Variants in GALNT13 observed in about 807,000 individuals in gnomAD.
GALNT13 encodes polypeptide N-acetylgalactosaminyltransferase 13.
In GALNT13, 28 loss-of-function variants were observed where a neutral mutation model predicts 64.2. The ratio of observed to expected loss-of-function variants is 0.44; its 90% CI spans 0.32 to 0.60. GALNT13 has a LOEUF of 0.60. Among genes scored for constraint, GALNT13 ranks in the 20% least tolerant of loss-of-function variants. The pLI is 0.05. For synonymous variants in GALNT13, 214 were observed against 224.6 expected, an observed-to-expected ratio of 0.95 and a Z score of 0.42; for missense variants, 577 against 669.8, an observed-to-expected ratio of 0.86 and a Z score of 1.53.
chr2:153,285,649 T>C, the GALNT13 span, among the ~76,000 whole-genome samples: 1 of 152,160 alleles, frequency 6.6e-6, no homozygotes, highest in African/African-American at 2.4e-5. Context: ...ATTAACAGTA[T>C]AGAATATGTA....
the GALNT13 span, among the ~76,000 whole-genome samples, chr2:153,862,080 T>C: frequency 8.5e-5 from 13 of 152,232 alleles, no homozygotes; most frequent in African/African-American, 3.1e-4. Flanking sequence ...TTGTATGTTT[T>C]ATGAGAGGTG....
intron 10 of GALNT13, among the ~76,000 whole-genome samples, chr2:154,408,132 A>G (rs556054808): frequency 1.3e-5 from 2 of 152,234 alleles, no homozygotes; most frequent in African/African-American, 4.8e-5. Context: ...GACTAAGTAA[A>G]AATCTGAAAT....
chr2:154,445,852 GC>G, intron 12 of GALNT13: 1 of 1,287,564 alleles, frequency 7.8e-7, no homozygotes, highest in Non-Finnish European at 1.0e-6. Flanking sequence ...GATGTAGGTG[GC>G]CATAGTCTGT....
intron 8 of GALNT13, among the ~76,000 whole-genome samples, chr2:154,272,333 A>G (rs1300220176): frequency 6.6e-6 from 1 of 152,072 alleles, no homozygotes; most frequent in East Asian, 1.9e-4. Context: ...ATGTCCCTGT[A>G]TATAGCAATA....
chr2:153,818,267 G>A, the GALNT13 span, among the ~76,000 whole-genome samples: 3 of 152,128 alleles, frequency 2.0e-5, no homozygotes, highest in Non-Finnish European at 4.4e-5. Context: ...TTGTAGAGTC[G>A]CTGCTCAAGC....
At chr2:153,496,360 A>T in the GALNT13 span, among the ~76,000 whole-genome samples, 1 of 152,292 alleles carries the variant, frequency 6.6e-6, no homozygotes, top group South Asian at 2.1e-4. Flanking sequence ...AATTTACTGT[A>T]TACATCCAAT....
intron 3 of GALNT13, among the ~76,000 whole-genome samples, chr2:154,107,311 A>C (rs1219434353): frequency 6.6e-6 from 1 of 152,156 alleles, no homozygotes; most frequent in African/African-American, 2.4e-5. Flanking sequence ...AAAAATTGAA[A>C]TAGCTGGGCA....
chr2:153,670,686 T>G, the GALNT13 span, among the ~76,000 whole-genome samples: 1 of 152,236 alleles, frequency 6.6e-6, no homozygotes, highest in African/African-American at 2.4e-5. Context: ...AGGATGAAAC[T>G]GGATGGAGAA....
the GALNT13 span, among the ~76,000 whole-genome samples, chr2:153,094,024 C>T: frequency 7.7e-3 from 1,164 of 152,120 alleles, 46 homozygotes; most frequent in Admixed American, 0.072. Flanking sequence ...ATTGTAATGT[C>T]CCCTTTTTTC....
At chr2:153,454,254 G>C in the GALNT13 span, among the ~76,000 whole-genome samples, 1 of 152,026 alleles carries the variant, frequency 6.6e-6, no homozygotes, top group African/African-American at 2.4e-5. Flanking sequence ...AGTCTAAAAT[G>C]AAAGTTGAAA....
At chr2:153,601,027 C>G in the GALNT13 span, among the ~76,000 whole-genome samples, 1 of 151,824 alleles carries the variant, frequency 6.6e-6, no homozygotes, top group African/African-American at 2.4e-5. Context: ...TATATTATGA[C>G]TGGAGGAATA....
chr2:154,437,870 AAC>A (rs530054843), intron 11 of GALNT13: 2,665 of 216,768 alleles, frequency 0.012, 72 homozygotes, highest in African/African-American at 0.06. Flanking sequence ...AAAAAAAAAA[AAC>A]CCTCATGAAA....
At chr2:154,054,969 C>CT (rs144309960) in intron 3 of GALNT13, among the ~76,000 whole-genome samples, 3 of 150,450 alleles carry the variant, frequency 2.0e-5, no homozygotes, top group African/African-American at 7.3e-5. Flanking sequence ...AGATATGGGA[C>CT]TTTTTTTTTA....
intron 10 of GALNT13, among the ~76,000 whole-genome samples, chr2:154,396,628 G>C (rs149151885): frequency 6.6e-6 from 1 of 152,174 alleles, no homozygotes; most frequent in Non-Finnish European, 1.5e-5. Flanking sequence ...TTGCATTAAT[G>C]TCTGGCTTAA....
intron 3 of GALNT13, among the ~76,000 whole-genome samples, chr2:153,982,204 C>G (rs1489298085): frequency 6.6e-6 from 1 of 152,078 alleles, no homozygotes; most frequent in East Asian, 1.9e-4. Flanking sequence ...TGCTAGGAAT[C>G]AAAGTGACAG....
chr2:153,499,467 C>T, the GALNT13 span, among the ~76,000 whole-genome samples: 1 of 152,158 alleles, frequency 6.6e-6, no homozygotes, highest in Non-Finnish European at 1.5e-5. Context: ...ATGCTTCAGG[C>T]CGTCACTGGC....
chr2:154,173,466 G>C (rs1488486591), intron 4 of GALNT13, among the ~76,000 whole-genome samples: 1 of 151,736 alleles, frequency 6.6e-6, no homozygotes, highest in African/African-American at 2.4e-5. Context: ...GAAAACATTT[G>C]GGAAATGATC....
chr2:153,096,595 C>G, the GALNT13 span, among the ~76,000 whole-genome samples: 1 of 152,080 alleles, frequency 6.6e-6, no homozygotes, highest in Non-Finnish European at 1.5e-5. Flanking sequence ...GTTGAATTGA[C>G]TCCTTTATTA....
At chr2:153,208,553 G>A in the GALNT13 span, among the ~76,000 whole-genome samples, 1 of 151,994 alleles carries the variant, frequency 6.6e-6, no homozygotes, top group African/African-American at 2.4e-5. Context: ...TTATCTGGTT[G>A]ATCGGCATTT....
Sources: gnomAD v4.1 joint callset for allele counts (sites outside exome capture counted in the v4.1 genomes callset) on GRCh38, gnomAD v4.1.1 for gene constraint, MANE v1.5 for transcripts, NCBI Gene and HGNC (gene_info 2026-07-23, HGNC 2026-07-21) for gene names.